Variants in TXNDC8 observed in about 807,000 individuals in gnomAD.
TXNDC8 encodes the protein thioredoxin domain containing 8.
Under a neutral mutation model 12.9 loss-of-function variants are expected in TXNDC8, and 15 were observed. That is an observed-to-expected ratio of 1.16 (90% CI 0.78 to 1.79). The LOEUF is 1.79. Among genes scored for constraint, TXNDC8 ranks in the 40% most tolerant of loss-of-function variants. The pLI, the probability that TXNDC8 is intolerant of heterozygous loss-of-function variation, is 0.00. For missense variants in TXNDC8, 128 were observed against 113.2 expected, an observed-to-expected ratio of 1.13 and a Z score of -0.59; for synonymous variants, 40 against 35.4, an observed-to-expected ratio of 1.13 and a Z score of -0.46.
chr9:110,323,333 G>A, intron 3 of TXNDC8: 1 of 985,526 alleles, frequency 1.0e-6, no homozygotes, highest in Non-Finnish European at 1.2e-6. Context: ...GAGAGCATAG[G>A]GAGGGATGAG....
At chr9:110,304,444 T>C in intron 4 of TXNDC8, 23 bp downstream of exon 5, 1 of 1,598,396 alleles carries the variant, frequency 6.3e-7, no homozygotes, top group Admixed American at 1.7e-5. Flanking sequence ...TTTCTAACTC[T>C]AACTTGATCC....
chr9:110,331,044 AT>A (rs1278585243), intron 2 of TXNDC8, among the ~76,000 whole-genome samples: 4 of 151,890 alleles, frequency 2.6e-5, no homozygotes, highest in African/African-American at 7.3e-5. Context: ...ACTAACTTCC[AT>A]TTCACCATCC....
chr9:110,305,566 CTT>C, intron 3 of TXNDC8, among the ~76,000 whole-genome samples: 1 of 133,650 alleles, frequency 7.5e-6, no homozygotes. Context: ...TTCTTTCTTT[CTT>C]TCTTTCTTTC....
intron 3 of TXNDC8, among the ~76,000 whole-genome samples, chr9:110,318,377 T>C (rs1838961531): frequency 6.6e-6 from 1 of 152,164 alleles, no homozygotes; most frequent in Non-Finnish European, 1.5e-5. Flanking sequence ...TCACCAAACA[T>C]ATCACTCCTA....
In TXNDC8 at chr9:110,309,141, A is replaced by C. The variant is rs577118310; in HGVS notation, c.196-4609T>G. Among the ~76,000 whole-genome samples the C allele has an allele frequency of 9.3e-4, 142 of 152,122 alleles. 6 individuals carry two copies. The highest frequency in any genetic ancestry group is 9.8e-4 in the Admixed American group (15 of 15,282). ...CTCCATTGCTTTTTCTCTGAAAATTAATCTTGATTTGGCTTGTCTGTGTAT... is the reference window on the plus strand; with the variant it reads ...CTCCATTGCTTTTTCTCTGAAAATTCATCTTGATTTGGCTTGTCTGTGTAT... On this transcript the variant is annotated intron_variant, in intron 3 of 4. Coordinates refer to ENST00000423740, the MANE Select transcript of TXNDC8 (RefSeq NM_001286946.2).
chr9:110,323,907 GC>G (rs1199725195), intron 3 of TXNDC8: 16 of 1,550,972 alleles, frequency 1.0e-5, no homozygotes, highest in Non-Finnish European at 1.4e-5. Flanking sequence ...CCTGAAATTA[GC>G]TCTGGTTTGA....
At chr9:110,316,371 T>C (rs1838886769) in intron 3 of TXNDC8, among the ~76,000 whole-genome samples, 1 of 152,110 alleles carries the variant, frequency 6.6e-6, no homozygotes, top group Non-Finnish European at 1.5e-5. Context: ...GTGAGCAACA[T>C]TAATTACTGT....
At chr9:110,313,810 T>C (rs1242010225) in intron 3 of TXNDC8, among the ~76,000 whole-genome samples, 1 of 152,176 alleles carries the variant, frequency 6.6e-6, no homozygotes, top group Non-Finnish European at 1.5e-5. Context: ...TTCCCCCTAT[T>C]TTCTTTTCAT....
At chr9:110,311,806 A>G (rs1564096427) in intron 3 of TXNDC8, among the ~76,000 whole-genome samples, 1 of 145,776 alleles carries the variant, frequency 6.9e-6, no homozygotes, top group Non-Finnish European at 1.5e-5. Flanking sequence ...TACTATATAT[A>G]CTATATATGG....
At chr9:110,325,316 T>C (rs540259910) in intron 3 of TXNDC8, among the ~76,000 whole-genome samples, 73 of 152,188 alleles carry the variant, frequency 4.8e-4, no homozygotes, top group African/African-American at 1.7e-3. Flanking sequence ...TTTATTATGA[T>C]TCATGTATAA....
At chr9:110,309,824 C>A (rs1327551986) in intron 3 of TXNDC8, among the ~76,000 whole-genome samples, 5 of 151,940 alleles carry the variant, frequency 3.3e-5, no homozygotes, top group Admixed American at 2.6e-4. Flanking sequence ...CACAAAAACT[C>A]TAGGCCACGG....
chr9:110,316,804 A>G (rs1275550704), intron 3 of TXNDC8, among the ~76,000 whole-genome samples: 2 of 152,194 alleles, frequency 1.3e-5, no homozygotes, highest in Non-Finnish European at 2.9e-5. Flanking sequence ...GGGGTTGACA[A>G]GCTTTTTTTG....
chr9:110,332,321 G>A (rs923407800), intron 2 of TXNDC8, among the ~76,000 whole-genome samples: 1 of 152,204 alleles, frequency 6.6e-6, no homozygotes, highest in African/African-American at 2.4e-5. Flanking sequence ...CTCCCAAAGT[G>A]CTGAGATTAC....
downstream of TXNDC8, chr9:110,303,377 T>G: frequency 1.4e-4 from 128 of 911,482 alleles, no homozygotes; most frequent in Middle Eastern, 3.8e-4. Context: ...AATTGTGCAG[T>G]GAGATTGCAT....
At position 110,326,928 on chromosome 9, in the gene TXNDC8, C is replaced by T. The variant is rs186666280; in HGVS notation, c.130-688G>A. 1.7e-4 allele frequency among the ~76,000 whole-genome samples: 18 copies of T among 103,288 alleles called. No individual in the cohort carries two copies. In the East Asian group the frequency reaches 3.5e-3, roughly 20 times the overall value. The allele number at this position is 103,288 out of a possible 152,430, so 67.8% of individuals were successfully genotyped here. On this transcript the variant is annotated intron_variant, in intron 2 of 4. Transcript: ENST00000423740. ...ATTTTGTTGGCATTAAATCTCTTGC[C>T]CTGCTACTCATGCACACACACACAC... is the stretch of plus-strand genomic sequence containing the variant.
chr9:110,326,098 G>C, intron 3 of TXNDC8, 77 bp downstream of exon 4: 8 of 1,455,860 alleles, frequency 5.5e-6, no homozygotes, highest in Non-Finnish European at 7.7e-6. Flanking sequence ...CATCCACCCA[G>C]GACAGCCAGG....
chr9:110,310,791 A>G (rs140469368), intron 3 of TXNDC8, among the ~76,000 whole-genome samples: 1 of 152,238 alleles, frequency 6.6e-6, no homozygotes, highest in South Asian at 2.1e-4. Flanking sequence ...AAGCAATTTC[A>G]TACTTATCCC....
intron 3 of TXNDC8, among the ~76,000 whole-genome samples, chr9:110,321,288 G>A (rs1272325323): frequency 3.3e-5 from 5 of 152,098 alleles, no homozygotes; most frequent in East Asian, 1.9e-4. Context: ...GATTCTTGGC[G>A]GCCATGGCAA....
chr9:110,319,906 A>C lies in TXNDC8; in HGVS notation c.195+6269T>G, dbSNP rs1256056197. ...TTTATAATCTCAGCAAGAGCCCTAC[A>C]GTTCATAAACATAAGGGCACAAGCT... is the stretch of plus-strand genomic sequence containing the variant. On this transcript the variant is annotated intron_variant, in intron 3 of 4. Coordinates refer to ENST00000423740, the MANE Select transcript of TXNDC8 (RefSeq NM_001286946.2). Among the ~76,000 whole-genome samples the C allele has an allele frequency of 2.0e-5, 3 of 152,322 alleles. No individual in the cohort carries two copies. The East Asian group carries it at 5.8e-4, about 29-fold the overall frequency.
Sources: gnomAD v4.1 joint callset for allele counts (sites outside exome capture counted in the v4.1 genomes callset) on GRCh38, gnomAD v4.1.1 for gene constraint, MANE v1.5 for transcripts, NCBI Gene and HGNC (gene_info 2026-07-23, HGNC 2026-07-21) for gene names.